DCC: variants seen among roughly 807,000 people sequenced by gnomAD.
The protein encoded by DCC is netrin receptor DCC.
Under a neutral mutation model 172.5 loss-of-function variants are expected in DCC, and 58 were observed. The ratio of observed to expected loss-of-function variants is 0.34; its 90% confidence interval spans 0.27 to 0.42. The LOEUF is 0.42. Ranked by LOEUF, DCC falls within the 10% of genes least tolerant of loss-of-function variation. DCC has a pLI of 1.00. For synonymous variants in DCC, 709 were observed against 644.5 expected, an observed-to-expected ratio of 1.10 and a Z score of -1.52; for missense variants, 1,740 against 1,791.0, an observed-to-expected ratio of 0.97 and a Z score of 0.51.
chr18:52,471,687 G>A (rs889027783), intron 1 of DCC, among the ~76,000 whole-genome samples: 1 of 152,188 alleles, frequency 6.6e-6, no homozygotes, highest in Non-Finnish European at 1.5e-5. Flanking sequence ...ATATATATCA[G>A]AGTAATGACG....
chr18:53,448,155 A>C (rs1228178689), intron 22 of DCC, among the ~76,000 whole-genome samples: 1 of 149,472 alleles, frequency 6.7e-6, no homozygotes, highest in Admixed American at 6.7e-5. Flanking sequence ...TTAAATTGTG[A>C]GAATAGGTTA....
chr18:53,331,733 G>T (rs571518320), intron 14 of DCC, among the ~76,000 whole-genome samples: 1 of 152,236 alleles, frequency 6.6e-6, no homozygotes, highest in East Asian at 1.9e-4. Flanking sequence ...GAACTTGATA[G>T]ACAGAGACCA....
At chr18:53,317,660 A>C (rs757846287) in intron 13 of DCC, among the ~76,000 whole-genome samples, 1 of 152,056 alleles carries the variant, frequency 6.6e-6, no homozygotes, top group Admixed American at 6.6e-5. Flanking sequence ...AGAACTTGCT[A>C]TTGTTCTACT....
chr18:52,986,169 C>T (rs1207714102), intron 5 of DCC, among the ~76,000 whole-genome samples: 1 of 152,156 alleles, frequency 6.6e-6, no homozygotes, highest in East Asian at 1.9e-4. Flanking sequence ...GACCTGGCTG[C>T]TTTCACTATG....
intron 2 of DCC, among the ~76,000 whole-genome samples, chr18:52,760,594 C>T (rs2037145943): frequency 6.6e-6 from 1 of 152,146 alleles, no homozygotes; most frequent in African/African-American, 2.4e-5. Context: ...TGTAGCATTA[C>T]ATTAGATAGC....
At chr18:53,173,771 G>A (rs1474146945) in intron 8 of DCC, among the ~76,000 whole-genome samples, 11 of 142,816 alleles carry the variant, frequency 7.7e-5, no homozygotes, top group South Asian at 4.7e-4. Flanking sequence ...ACAGATCAAC[G>A]AGACAGAAAG....
chr18:52,675,150 C>T (rs1049000924), intron 1 of DCC, among the ~76,000 whole-genome samples: 10 of 152,118 alleles, frequency 6.6e-5, no homozygotes, highest in African/African-American at 2.4e-4. Context: ...CTTCCACCTC[C>T]CAGGTTCAAG....
At chr18:53,345,791 A>AGTT (rs2057717252) in intron 15 of DCC, among the ~76,000 whole-genome samples, 1 of 151,312 alleles carries the variant, frequency 6.6e-6, no homozygotes, top group African/African-American at 2.4e-5. Context: ...AGTTCTTTCA[A>AGTT]GTTGTTGTCT....
At chr18:52,833,059 T>C (rs1485664074) in intron 2 of DCC, among the ~76,000 whole-genome samples, 2 of 152,144 alleles carry the variant, frequency 1.3e-5, no homozygotes, top group Non-Finnish European at 2.9e-5. Context: ...CAAAGAGGAT[T>C]GAATAGATAG....
At chr18:52,437,436 A>G (rs765186145) in intron 1 of DCC, among the ~76,000 whole-genome samples, 6 of 152,208 alleles carry the variant, frequency 3.9e-5, no homozygotes, top group Non-Finnish European at 7.3e-5. Context: ...TCTGAACAGC[A>G]GCTGGAAATA....
chr18:53,392,336 T>C (rs1185125726), intron 17 of DCC, among the ~76,000 whole-genome samples: 1 of 53,682 alleles, frequency 1.9e-5, no homozygotes, highest in Non-Finnish European at 7.3e-5. Context: ...TTGAAGATAT[T>C]TTTTTGTAAC....
chr18:53,525,238 C>T (rs1056498934), intron 27 of DCC, among the ~76,000 whole-genome samples: 1 of 152,016 alleles, frequency 6.6e-6, no homozygotes, highest in Admixed American at 6.6e-5. Flanking sequence ...CCCAAATTTT[C>T]CCTCACCATG....
chr18:52,540,618 T>TG (rs2032412600), intron 1 of DCC, among the ~76,000 whole-genome samples: 1 of 118,540 alleles, frequency 8.4e-6, no homozygotes, highest in African/African-American at 3.1e-5. Flanking sequence ...TTTTTTTTTT[T>TG]TTTTTTGAGA....
At chr18:53,167,068 C>T (rs1019157222) in intron 8 of DCC, among the ~76,000 whole-genome samples, 29 of 152,106 alleles carry the variant, frequency 1.9e-4, no homozygotes, top group African/African-American at 6.5e-4. Context: ...CTAAGAATAA[C>T]GTAACTCCTT....
At chr18:53,084,862 A>G (rs995499574) in intron 7 of DCC, among the ~76,000 whole-genome samples, 3 of 152,250 alleles carry the variant, frequency 2.0e-5, no homozygotes, top group Non-Finnish European at 2.9e-5. Context: ...CTAATTTTGC[A>G]TCTACATTCT....
intron 25 of DCC, among the ~76,000 whole-genome samples, chr18:53,469,946 T>C (rs761696100): frequency 6.6e-6 from 1 of 152,104 alleles, no homozygotes; most frequent in Admixed American, 6.6e-5. Context: ...TTGACATAGG[T>C]TCTCACTTAT....
chr18:52,474,239 AGAGAAAG>A (rs1989030686), intron 1 of DCC, among the ~76,000 whole-genome samples: 1 of 73,386 alleles, frequency 1.4e-5, no homozygotes, highest in Non-Finnish European at 4.0e-5. Flanking sequence ...AGAGAGAGAG[AGAGAAAG>A]AGAGAGAAGC....
At chr18:52,674,246 C>A (rs2035608537) in intron 1 of DCC, among the ~76,000 whole-genome samples, 1 of 152,080 alleles carries the variant, frequency 6.6e-6, no homozygotes, top group Non-Finnish European at 1.5e-5. Context: ...AGCTGGAGAC[C>A]AAGCTTGCAA....
chr18:53,510,633 C>G (rs115769845), intron 27 of DCC, among the ~76,000 whole-genome samples: 2 of 152,146 alleles, frequency 1.3e-5, no homozygotes, highest in Non-Finnish European at 2.9e-5. Flanking sequence ...GCTCTAAAGC[C>G]AAGTACTATG....
Sources: allele counts gnomAD v4.1 joint callset (sites outside exome capture counted in the v4.1 genomes callset), GRCh38; gene constraint gnomAD v4.1.1; transcripts MANE v1.5; gene names NCBI Gene and HGNC (gene_info 2026-07-23, HGNC 2026-07-21).